The following DCC variants were observed in gnomAD, a reference collection of about 807,000 sequenced individuals.
DCC encodes netrin receptor DCC.
In DCC, 58 loss-of-function variants were observed where a neutral mutation model predicts 172.5. The ratio of observed to expected loss-of-function variants is 0.34; its 90% CI spans 0.27 to 0.42. The LOEUF is 0.42. DCC is among the 10% of genes least tolerant of loss of function. The pLI, the probability that DCC is intolerant of heterozygous loss-of-function variation, is 1.00. For missense variants in DCC, 1,740 were observed against 1,791.0 expected, an observed-to-expected ratio of 0.97 and a Z score of 0.51; for synonymous variants, 709 against 644.5, an observed-to-expected ratio of 1.10 and a Z score of -1.52.
intron 1 of DCC, among the ~76,000 whole-genome samples, chr18:52,525,059 T>C (rs2031939238): frequency 6.6e-6 from 1 of 152,104 alleles, no homozygotes; most frequent in Admixed American, 6.6e-5. Context: ...TGGGTTCTTG[T>C]AAGAATAAAG....
intron 19 of DCC, among the ~76,000 whole-genome samples, chr18:53,403,165 G>C (rs1213965887): frequency 4.0e-5 from 6 of 150,760 alleles, no homozygotes; most frequent in Admixed American, 4.0e-4. Flanking sequence ...AATTAGAATA[G>C]ACCTTTTTGT....
At chr18:53,098,383 C>T (rs1199392571) in intron 7 of DCC, among the ~76,000 whole-genome samples, 2 of 152,116 alleles carry the variant, frequency 1.3e-5, no homozygotes, top group Admixed American at 6.6e-5. Flanking sequence ...ATTCATTGTA[C>T]ATAGTTTTCC....
intron 2 of DCC, among the ~76,000 whole-genome samples, chr18:52,775,908 C>G (rs1411959047): frequency 6.6e-6 from 1 of 152,180 alleles, no homozygotes; most frequent in African/African-American, 2.4e-5. Flanking sequence ...CCTTTCTCTA[C>G]CCGGCACTTC....
At chr18:52,982,470 C>A (rs779114328) in intron 5 of DCC, among the ~76,000 whole-genome samples, 3 of 152,144 alleles carry the variant, frequency 2.0e-5, no homozygotes, top group Admixed American at 6.6e-5. Context: ...CATTGCCCTT[C>A]TTGCCTGCTC....
At chr18:53,143,330 T>G (rs1030170726) in intron 7 of DCC, among the ~76,000 whole-genome samples, 4 of 152,210 alleles carry the variant, frequency 2.6e-5, no homozygotes, top group Non-Finnish European at 5.9e-5. Context: ...GTATAGCCAG[T>G]GTGCTGACAG....
intron 13 of DCC, among the ~76,000 whole-genome samples, chr18:53,307,561 C>T (rs191697509): frequency 3.9e-5 from 6 of 151,960 alleles, no homozygotes; most frequent in Non-Finnish European, 8.8e-5. Flanking sequence ...GCTTTTGCTT[C>T]TCAAATGATA....
At chr18:52,820,754 C>T (rs1010815988) in intron 2 of DCC, among the ~76,000 whole-genome samples, 1 of 152,150 alleles carries the variant, frequency 6.6e-6, no homozygotes, top group Non-Finnish European at 1.5e-5. Flanking sequence ...AACATCTTAG[C>T]TCAGGCACAC....
intron 12 of DCC, among the ~76,000 whole-genome samples, chr18:53,257,024 G>T (rs1007755040): frequency 6.6e-6 from 1 of 152,214 alleles, no homozygotes; most frequent in East Asian, 1.9e-4. Context: ...GTCTGTTATT[G>T]GTGTATAAGA....
chr18:52,793,723 T>C (rs549907720), intron 2 of DCC, among the ~76,000 whole-genome samples: 1 of 152,328 alleles, frequency 6.6e-6, no homozygotes, highest in South Asian at 2.1e-4. Context: ...TAGACCAATT[T>C]CCTGAAGCAT....
chr18:52,538,413 C>T (rs1352432757), intron 1 of DCC, among the ~76,000 whole-genome samples: 1 of 152,188 alleles, frequency 6.6e-6, no homozygotes, highest in Non-Finnish European at 1.5e-5. Context: ...AGACAATACA[C>T]ACACATAACC....
intron 1 of DCC, among the ~76,000 whole-genome samples, chr18:52,405,936 A>C (rs1986631569): frequency 6.6e-6 from 1 of 152,018 alleles, no homozygotes; most frequent in Non-Finnish European, 1.5e-5. Flanking sequence ...ACAAGGCTAC[A>C]GTAACCAAAA....
At chr18:53,099,919 ACTTTT>A (rs1268353188) in intron 7 of DCC, among the ~76,000 whole-genome samples, 11 of 128,602 alleles carry the variant, frequency 8.6e-5, no homozygotes, top group East Asian at 2.0e-4. Flanking sequence ...CACTTAAGAG[ACTTTT>A]CTTTTCTTTT....
At chr18:52,696,891 GTTAATAA>G (rs2036020967) in intron 1 of DCC, among the ~76,000 whole-genome samples, 1 of 28,068 alleles carries the variant, frequency 3.6e-5, no homozygotes, top group Non-Finnish European at 1.3e-4. Context: ...AGAAATAAAA[GTTAATAA>G]AAGTTAGATT....
At chr18:53,457,105 G>C (rs905392902) in intron 23 of DCC, among the ~76,000 whole-genome samples, 1 of 152,218 alleles carries the variant, frequency 6.6e-6, no homozygotes, top group Non-Finnish European at 1.5e-5. Flanking sequence ...CTGACAGTCA[G>C]CTGGGTGGGT....
chr18:53,014,084 T>G (rs1208280174), intron 5 of DCC, among the ~76,000 whole-genome samples: 1 of 152,156 alleles, frequency 6.6e-6, no homozygotes, highest in Non-Finnish European at 1.5e-5. Context: ...AGAAGACCTG[T>G]CCTTAACAAT....
At chr18:52,524,755 G>C (rs187986566) in intron 1 of DCC, among the ~76,000 whole-genome samples, 2,030 of 152,232 alleles carry the variant, frequency 0.013, 60 homozygotes, top group African/African-American at 0.045. Context: ...TTGCAGGTGC[G>C]CCTTGCTGGT....
At position 53,067,288 on chromosome 18, in the gene DCC, A is replaced by G. The variant is rs532003134; in HGVS notation, c.1261+1122A>G. On this transcript the variant is annotated intron_variant, in intron 7 of 28. Coordinates refer to ENST00000442544, the MANE Select transcript of DCC (RefSeq NM_005215.4). Reference sequence around the variant, plus strand: ...GTAATTCCAGCTTTTTGGGAGGCCAAGGGGTGAGGATGGCTTGAGACCAGG... The same window carrying G: ...GTAATTCCAGCTTTTTGGGAGGCCAGGGGGTGAGGATGGCTTGAGACCAGG... 2.6e-5 allele frequency among the ~76,000 whole-genome samples: 4 copies of G among 152,208 alleles called. No individual in the cohort carries two copies. The South Asian group carries it at 6.2e-4, about 24-fold the overall frequency.
chr18:52,962,138 C>T (rs1238470744), intron 5 of DCC, among the ~76,000 whole-genome samples: 1 of 150,078 alleles, frequency 6.7e-6, no homozygotes, highest in African/African-American at 2.4e-5. Context: ...AGCTTCTGCA[C>T]AGCAAAAGAA....
intron 12 of DCC, among the ~76,000 whole-genome samples, chr18:53,276,504 G>A (rs2056807976): frequency 1.3e-5 from 2 of 152,046 alleles, no homozygotes; most frequent in Admixed American, 1.3e-4. Context: ...TACTCTAAAT[G>A]TCCTTCTTTC....
Sources: allele counts gnomAD v4.1 joint callset (sites outside exome capture counted in the v4.1 genomes callset), GRCh38; gene constraint gnomAD v4.1.1; transcripts MANE v1.5; gene names NCBI Gene and HGNC (gene_info 2026-07-23, HGNC 2026-07-21).